The following USH2A variants were observed in gnomAD, a reference collection of about 807,000 sequenced individuals.
USH2A encodes the protein usherin.
Under a neutral mutation model 538.9 loss-of-function variants are expected in USH2A, and 443 were observed. The observed-to-expected ratio is 0.82, with a 90% CI of 0.76 to 0.89. USH2A has a LOEUF of 0.89. USH2A is among the 40% of genes least tolerant of loss of function. USH2A has a pLI of 0.00. For synonymous variants in USH2A, 2,413 were observed against 2,273.5 expected (o/e 1.06, Z -1.75); for missense variants, 6,633 against 6,324.8 (o/e 1.05, Z -1.65).
intron 3 of USH2A, among the ~76,000 whole-genome samples, chr1:216,380,462 G>C (rs187329070): frequency 6.6e-6 from 1 of 152,096 alleles, no homozygotes; most frequent in Admixed American, 6.6e-5. Context: ...GCCAGTGTTT[G>C]TGTGTTTTTC....
intron 47 of USH2A, among the ~76,000 whole-genome samples, chr1:215,828,947 G>A (rs1297346805): frequency 2.6e-5 from 4 of 152,086 alleles, no homozygotes; most frequent in South Asian, 2.1e-4. Context: ...GACCCAGCCC[G>A]TTATCTTCAT....
At chr1:215,718,219 G>T (rs1380700057) in intron 61 of USH2A, among the ~76,000 whole-genome samples, 1 of 152,192 alleles carries the variant, frequency 6.6e-6, no homozygotes, top group Non-Finnish European at 1.5e-5. Context: ...GGTGGTGGGT[G>T]TGGGTCATTG....
chr1:215,919,881 C>A (rs1480581500), intron 38 of USH2A, among the ~76,000 whole-genome samples: 1 of 151,944 alleles, frequency 6.6e-6, no homozygotes, highest in African/African-American at 2.4e-5. Flanking sequence ...ACTAGTTCTA[C>A]AATAGAACTG....
chr1:216,173,519 G>A (rs1423760287), intron 21 of USH2A, among the ~76,000 whole-genome samples: 1 of 152,146 alleles, frequency 6.6e-6, no homozygotes. Flanking sequence ...TGTGCAGCTG[G>A]AGGCTTTGTT....
At chr1:215,795,020 G>T (rs1212142743) in intron 50 of USH2A, among the ~76,000 whole-genome samples, 1 of 152,046 alleles carries the variant, frequency 6.6e-6, no homozygotes, top group Non-Finnish European at 1.5e-5. Flanking sequence ...TCATGCCAGG[G>T]GTGTTCTGAC....
At chr1:215,692,571 G>A (rs1658653651) in intron 61 of USH2A, among the ~76,000 whole-genome samples, 2 of 152,068 alleles carry the variant, frequency 1.3e-5, no homozygotes, top group Admixed American at 6.5e-5. Context: ...AATTAACTGT[G>A]AGTTAGCTAC....
Position 216,356,420 on chromosome 1 carries a change from T to C in USH2A, c.784+8533A>G, listed in dbSNP as rs543322444. On this transcript the variant is annotated intron_variant, in intron 4 of 71. Transcript: ENST00000307340. Reference sequence around the variant, plus strand: ...TAAAATTATAGTTTACTGAAAAAAATTGCACAAAAAGAAATTTAAAAAGCA... The same window carrying C: ...TAAAATTATAGTTTACTGAAAAAAACTGCACAAAAAGAAATTTAAAAAGCA... 1.3e-4 allele frequency among the ~76,000 whole-genome samples: 20 copies of C among 152,088 alleles called. No individual in the cohort carries two copies. The East Asian group carries it at 3.5e-3, about 26-fold the overall frequency.
chr1:216,251,274 TA>T (rs1167955733), intron 11 of USH2A, among the ~76,000 whole-genome samples, 176 bp from the exon 12 acceptor site: 5 of 151,996 alleles, frequency 3.3e-5, no homozygotes, highest in Non-Finnish European at 7.4e-5. Flanking sequence ...AGGGGGAATA[TA>T]CAGAACTGAA....
chr1:216,186,927 T>C (rs920049194), intron 20 of USH2A, among the ~76,000 whole-genome samples: 1 of 151,850 alleles, frequency 6.6e-6, no homozygotes, highest in African/African-American at 2.4e-5. Flanking sequence ...TACTCTCTTA[T>C]TGCCTTTTTA....
chr1:215,970,347 A>G (rs942268911), intron 36 of USH2A, among the ~76,000 whole-genome samples: 2 of 152,190 alleles, frequency 1.3e-5, no homozygotes, highest in African/African-American at 4.8e-5. Flanking sequence ...TCACTAAATT[A>G]GGAAAAATTT....
At chr1:216,399,791 G>A (rs79125652) in intron 3 of USH2A, among the ~76,000 whole-genome samples, 5,237 of 152,156 alleles carry the variant, frequency 0.034, 124 homozygotes, top group Middle Eastern at 0.078. Flanking sequence ...GGGTCAACAG[G>A]GAAGCTGAAG....
chr1:216,291,346 A>G (rs536536314), intron 10 of USH2A, among the ~76,000 whole-genome samples: 6 of 152,236 alleles, frequency 3.9e-5, no homozygotes, highest in Admixed American at 6.5e-5. Context: ...TAATCTTTCA[A>G]CTGGTTAACT....
intron 22 of USH2A, among the ~76,000 whole-genome samples, chr1:216,089,637 T>C (rs2032246041): frequency 6.6e-6 from 1 of 151,994 alleles, no homozygotes; most frequent in African/African-American, 2.4e-5. Flanking sequence ...AACTAGCCAG[T>C]TGTGATACAT....
chr1:216,186,335 A>G (rs956886618), intron 20 of USH2A, among the ~76,000 whole-genome samples: 9 of 151,736 alleles, frequency 5.9e-5, no homozygotes, highest in South Asian at 4.2e-4. Flanking sequence ...ATCCCCAGAG[A>G]GTCACCAGTG....
chr1:216,182,491 A>C (rs2034513497), intron 20 of USH2A, among the ~76,000 whole-genome samples: 1 of 152,100 alleles, frequency 6.6e-6, no homozygotes, highest in African/African-American at 2.4e-5. Flanking sequence ...CATAGTTCAA[A>C]ATCAAGCCTT....
chr1:215,845,502 T>C (rs1460058830), intron 45 of USH2A, among the ~76,000 whole-genome samples: 1 of 152,108 alleles, frequency 6.6e-6, no homozygotes, highest in East Asian at 1.9e-4. Flanking sequence ...AACGTACTGC[T>C]TCTGAGGGCA....
chr1:216,139,430 A>C (rs939595208), intron 21 of USH2A, among the ~76,000 whole-genome samples: 2 of 152,070 alleles, frequency 1.3e-5, no homozygotes, highest in African/African-American at 2.4e-5. Flanking sequence ...AAAAAGAAAA[A>C]AAAAAAAGAA....
At chr1:216,070,919 T>C (rs1436358863) in intron 29 of USH2A, among the ~76,000 whole-genome samples, 1 of 152,172 alleles carries the variant, frequency 6.6e-6, no homozygotes, top group Non-Finnish European at 1.5e-5. Context: ...TTCAAAGTCT[T>C]GTTCTGCAGA....
At chr1:216,308,291 T>C (rs761777487) in intron 9 of USH2A, among the ~76,000 whole-genome samples, 44 of 152,196 alleles carry the variant, frequency 2.9e-4, no homozygotes, top group Non-Finnish European at 5.6e-4. Context: ...CAAATTGTTT[T>C]CCATAGTGCA....
Sources: allele counts gnomAD v4.1 joint callset (sites outside exome capture counted in the v4.1 genomes callset), GRCh38; gene constraint gnomAD v4.1.1; transcripts MANE v1.5; gene names NCBI Gene and HGNC (gene_info 2026-07-23, HGNC 2026-07-21).